Variants in TTC6 observed in about 807,000 individuals in gnomAD.
TTC6 encodes tetratricopeptide repeat protein 6.
In TTC6, 172 loss-of-function variants were observed where a neutral mutation model predicts 210.4. The observed-to-expected ratio is 0.82, with a 90% CI of 0.72 to 0.93. TTC6 has a LOEUF of 0.93. Among genes scored for constraint, TTC6 ranks in the 40% least tolerant of loss-of-function variants. The pLI, the probability that TTC6 is intolerant of heterozygous loss-of-function variation, is 0.00. For missense variants in TTC6, 2,414 were observed against 2,318.1 expected (o/e 1.04, Z -0.85); for synonymous variants, 804 against 819.6 (o/e 0.98, Z 0.32).
intron 29 of TTC6, 148 bp from the exon 32 acceptor site, chr14:37,841,297 A>G (rs1308390754): frequency 2.6e-5 from 17 of 664,650 alleles, no homozygotes; most frequent in Non-Finnish European, 4.2e-5. Flanking sequence ...TTCTCTGCAG[A>G]CAATGCACCT....
chr14:37,796,945 A>C, exon 20 of TTC6: 1 of 1,592,698 alleles, frequency 6.3e-7, no homozygotes, highest in Non-Finnish European at 8.5e-7. Context: ...CAAGAGAACC[A>C]AGGTGAAAAG....
intron 2 of TTC6, among the ~76,000 whole-genome samples, chr14:37,611,759 C>T (rs928012671): frequency 2.6e-5 from 4 of 152,048 alleles, no homozygotes; most frequent in African/African-American, 9.7e-5. Flanking sequence ...CTCTGCTGTC[C>T]CTTTACAGGG....
chr14:37,617,335 A>G (rs1315965567), upstream of TTC6, among the ~76,000 whole-genome samples: 2 of 152,234 alleles, frequency 1.3e-5, no homozygotes, highest in Admixed American at 1.3e-4. Flanking sequence ...TATATTCACA[A>G]GGGATATAGG....
intron 24 of TTC6, among the ~76,000 whole-genome samples, chr14:37,811,476 T>G (rs1172718084): frequency 6.6e-6 from 1 of 152,228 alleles, no homozygotes; most frequent in Non-Finnish European, 1.5e-5. Context: ...CATTTTCAGT[T>G]GGCAGATGCT....
At chr14:37,759,588 G>C (rs1038484244) in intron 14 of TTC6, among the ~76,000 whole-genome samples, 2 of 152,202 alleles carry the variant, frequency 1.3e-5, no homozygotes, top group African/African-American at 4.8e-5. Context: ...ACATCCTGAA[G>C]TGTGTTTTCC....
At chr14:37,776,042 T>G (rs1251317667) in intron 14 of TTC6, among the ~76,000 whole-genome samples, 1 of 67,460 alleles carries the variant, frequency 1.5e-5, no homozygotes, top group African/African-American at 4.8e-5. Context: ...GGGTCTTGAT[T>G]CTTTTTTTTT....
At chr14:37,766,033 T>C (rs779025624) in intron 14 of TTC6, among the ~76,000 whole-genome samples, 1 of 152,300 alleles carries the variant, frequency 6.6e-6, no homozygotes, top group East Asian at 1.9e-4. Flanking sequence ...AATGTGTCTC[T>C]ATGTGAAACT....
intron 1 of TTC6, among the ~76,000 whole-genome samples, chr14:37,667,232 C>T (rs2095749924): frequency 6.7e-6 from 1 of 150,168 alleles, no homozygotes; most frequent in Non-Finnish European, 1.5e-5. Context: ...AGAAGGACTC[C>T]TCTTCATGTC....
intron 30 of TTC6, 110 bp from the exon 33 acceptor site, chr14:37,842,045 A>G (rs2096211305): frequency 3.2e-6 from 3 of 931,496 alleles, no homozygotes; most frequent in Non-Finnish European, 4.6e-6. Flanking sequence ...TCTTGATTTC[A>G]TCCATTGAGT....
chr14:37,700,915 A>G (rs951013677), intron 4 of TTC6, among the ~76,000 whole-genome samples: 2 of 152,052 alleles, frequency 1.3e-5, no homozygotes, highest in Non-Finnish European at 2.9e-5. Context: ...TGCCCTACCT[A>G]TATTGTTCCA....
chr14:37,798,867 C>T (rs2096098967), intron 20 of TTC6, among the ~76,000 whole-genome samples: 1 of 152,116 alleles, frequency 6.6e-6, no homozygotes, highest in East Asian at 1.9e-4. Context: ...TTATATGTCA[C>T]ATATGAAATT....
chr14:37,732,404 C>T (rs1256146433), intron 7 of TTC6, among the ~76,000 whole-genome samples: 5 of 151,276 alleles, frequency 3.3e-5, no homozygotes, highest in East Asian at 2.0e-4. Flanking sequence ...AGGATGGTGT[C>T]GATCTCCTGA....
chr14:37,739,117 G>A, exon 10 of TTC6: 2 of 1,522,974 alleles, frequency 1.3e-6, no homozygotes, highest in Non-Finnish European at 1.7e-6. Flanking sequence ...TTATATTCGT[G>A]CATGAAGAGT....
intron 20 of TTC6, among the ~76,000 whole-genome samples, chr14:37,803,758 G>A (rs549930624): frequency 7.2e-5 from 11 of 152,246 alleles, no homozygotes; most frequent in African/African-American, 1.4e-4. Context: ...TAGATTCATC[G>A]AAAAGTAGAA....
intron 3 of TTC6, among the ~76,000 whole-genome samples, chr14:37,692,218 A>AAG (rs1490625716): frequency 3.8e-4 from 56 of 147,266 alleles, no homozygotes; most frequent in Non-Finnish European, 7.2e-4. Flanking sequence ...CAAAAAAAAA[A>AAG]AAAAAAAAAA....
chr14:37,769,657 A>G (rs1257463387), intron 14 of TTC6, among the ~76,000 whole-genome samples: 1 of 151,546 alleles, frequency 6.6e-6, no homozygotes, highest in African/African-American at 2.4e-5. Flanking sequence ...TATCCCCTTT[A>G]TCATTTTTTA....
chr14:37,639,522 T>G (rs1453652896), intron 1 of TTC6, among the ~76,000 whole-genome samples: 1 of 151,988 alleles, frequency 6.6e-6, no homozygotes, highest in Non-Finnish European at 1.5e-5. Flanking sequence ...CACATAACAT[T>G]TGGATGCTTT....
At chr14:37,705,558 T>TA (rs2095833936) in intron 5 of TTC6, among the ~76,000 whole-genome samples, 1 of 152,106 alleles carries the variant, frequency 6.6e-6, no homozygotes, top group African/African-American at 2.4e-5. Context: ...TTTAAAAACT[T>TA]ATGTGTAAAC....
intron 27 of TTC6, 147 bp downstream of exon 29, chr14:37,824,104 G>A: frequency 6.3e-6 from 5 of 788,166 alleles, no homozygotes; most frequent in Middle Eastern, 3.7e-4. Flanking sequence ...GTAGCAGTGG[G>A]AGCAGGGGTT....
Sources: gnomAD v4.1 joint callset for allele counts (sites outside exome capture counted in the v4.1 genomes callset) on GRCh38, gnomAD v4.1.1 for gene constraint, MANE v1.5 for transcripts, NCBI Gene and HGNC (gene_info 2026-07-23, HGNC 2026-07-21) for gene names.